The following KIF1B variants were observed in gnomAD, a reference collection of about 807,000 sequenced individuals.
KIF1B encodes kinesin family member 1B, also known as kinesin-like protein KIF1B.
In KIF1B, 76 loss-of-function variants were observed where a neutral mutation model predicts 241.9. The ratio of observed to expected loss-of-function variants is 0.31; its 90% CI spans 0.26 to 0.38. KIF1B has a LOEUF of 0.38. KIF1B is among the 10% of genes least tolerant of loss of function. The pLI is 1.00. For synonymous variants in KIF1B, 750 were observed against 796.7 expected, an observed-to-expected ratio of 0.94 and a Z score of 0.99; for missense variants, 1,622 against 2,271.4, an observed-to-expected ratio of 0.71 and a Z score of 5.81.
chr1:10,360,806 T>C (rs890032676), intron 38 of KIF1B, 123 bp from the exon 39 acceptor site: 24 of 747,792 alleles, frequency 3.2e-5, no homozygotes, highest in Admixed American at 1.2e-4. Flanking sequence ...TATTAGAGTT[T>C]GATAAACTGA....
intron 1 of KIF1B, among the ~76,000 whole-genome samples, chr1:10,212,932 A>ATATG (rs1646716924): frequency 1.2e-5 from 1 of 86,574 alleles, no homozygotes; most frequent in Non-Finnish European, 2.2e-5. Flanking sequence ...ATATATATAT[A>ATATG]CACACACACA....
rs1244106240 is a variant in KIF1B at position 10,292,057 on chromosome 1, T to C, written c.1525T>C (p.Leu509=). The C allele has an allele frequency of 6.2e-7, 1 of 1,614,070 alleles. No individual in the cohort carries two copies. Among genetic ancestry groups the C allele is most frequent in the African/African-American group, 1.3e-5 (1 of 75,044 alleles). The change falls in exon 17 of 49, where the codon TTG becomes CTG. Residue 509 remains leucine (L), a synonymous_variant. Coordinates refer to ENST00000676179, the MANE Select transcript of KIF1B (RefSeq NM_001365951.3). ...CTGTTTTTTTCCTAGAGAGGCTTTG[T>C]TGGCTGAGATGGGAGTTGCCATTCG... is the stretch of plus-strand genomic sequence containing the variant. ...EAIRMEREAL[L]AEMGVAIRED...
intron 43 of KIF1B, among the ~76,000 whole-genome samples, chr1:10,367,690 A>G (rs1456587763): frequency 6.6e-6 from 1 of 151,522 alleles, no homozygotes; most frequent in African/African-American, 2.4e-5. Context: ...GTGCACCACC[A>G]TGCCCAGCTC....
At chr1:10,288,129 GAAAA>G (rs577593547) in intron 15 of KIF1B, among the ~76,000 whole-genome samples, 1 of 151,402 alleles carries the variant, frequency 6.6e-6, no homozygotes, top group African/African-American at 2.4e-5. Flanking sequence ...GGGAGGAAAA[GAAAA>G]AAAAGGAAAA....
intron 38 of KIF1B, among the ~76,000 whole-genome samples, chr1:10,358,619 G>T (rs1036466601): frequency 6.7e-6 from 1 of 149,330 alleles, no homozygotes; most frequent in African/African-American, 2.5e-5. Context: ...GCATGAGGAG[G>T]TTGCAGTGAG....
At chr1:10,297,145 T>G (rs1219769708) in intron 21 of KIF1B, 29 bp from the exon 22 acceptor site, 37 of 1,597,584 alleles carry the variant, frequency 2.3e-5, no homozygotes, top group Non-Finnish European at 3.1e-5. Context: ...ATAGCATTCT[T>G]GAATTTTTTT....
Position 10,374,641 on chromosome 1 carries a change from CAT to C in KIF1B, c.5096+178_5096+179del, listed in dbSNP as rs1366202390. On this transcript the variant is annotated intron_variant, in intron 46 of 48. Coordinates refer to ENST00000676179, the MANE Select transcript of KIF1B (RefSeq NM_001365951.3). This position sits in a 1 kb window ranked among gnomAD's most constrained non-coding sequence, Gnocchi z 4.3. ...AGCCTGGGTTTCTCCAGTTGGGTCT[CAT>C]AATGCATCTGCACCCTGGCGCAGCA... Among the ~76,000 whole-genome samples the C allele has an allele frequency of 1.3e-5, 2 of 152,176 alleles. No individual in the cohort carries two copies. Among genetic ancestry groups the C allele is most frequent in the Non-Finnish European group, 2.9e-5 (2 of 68,042 alleles).
intron 1 of KIF1B, among the ~76,000 whole-genome samples, chr1:10,218,844 TTTTA>T (rs1270004375): frequency 2.6e-5 from 4 of 152,220 alleles, no homozygotes; most frequent in Non-Finnish European, 5.9e-5. Flanking sequence ...TACAGGAAGT[TTTTA>T]TTTATTTATA....
chr1:10,360,717 TC>T (rs1200447306), intron 38 of KIF1B, among the ~76,000 whole-genome samples: 6 of 151,424 alleles, frequency 4.0e-5, no homozygotes, highest in Non-Finnish European at 5.9e-5. Flanking sequence ...AACTAAGTGT[TC>T]CTTAATGATG....
In KIF1B at chr1:10,337,099, C is replaced by T; in HGVS notation, c.3155C>T (p.Thr1052Ile). ...NQSDFSSVAM[T>I]RSGLSLEELR... Reference sequence around the variant, plus strand: ...AGTGACTTTTCGTCTGTTGCAATGACTCGTTCTGGTCTGTCCTTGGAGGAG... The same window carrying T: ...AGTGACTTTTCGTCTGTTGCAATGATTCGTTCTGGTCTGTCCTTGGAGGAG... Residue 1052 changes from threonine (T) to isoleucine (I), a missense_variant, in exon 30 of 49, where the codon ACT becomes ATT. Physicochemically the swap from Thr to Ile is moderately conservative, Grantham distance 89 (BLOSUM62 -1). Around this residue, in one of 7 missense-constraint regions of KIF1B, gnomAD observed 803 missense variants for 1,112.0 expected, o/e 0.72. Coordinates refer to ENST00000676179, the MANE Select transcript of KIF1B (RefSeq NM_001365951.3). The surrounding 1 kb of genome is among the most constrained non-coding windows in gnomAD (Gnocchi z 4.0). The T allele has an allele frequency of 1.9e-6, 3 of 1,614,136 alleles. No homozygotes were observed. The highest frequency in any genetic ancestry group is 2.5e-6 in the Non-Finnish European group (3 of 1,180,034).
intron 27 of KIF1B, among the ~76,000 whole-genome samples, chr1:10,327,581 G>A (rs1456418600): frequency 4.6e-5 from 7 of 151,970 alleles, no homozygotes; most frequent in Admixed American, 1.3e-4. Flanking sequence ...CCAAACTGAG[G>A]CATTGTCTCT....
chr1:10,249,482 G>A (rs1273382981), intron 2 of KIF1B, among the ~76,000 whole-genome samples: 1 of 152,128 alleles, frequency 6.6e-6, no homozygotes, highest in Non-Finnish European at 1.5e-5. Flanking sequence ...CTTGGTATAG[G>A]GCAGTATAGA....
Position 10,323,976 on chromosome 1 carries a change from C to G in KIF1B, c.2451C>G (p.Asp817Glu), listed in dbSNP as rs200358455. Reference sequence around the variant, plus strand: ...CTGAGATGGAAAAAACTCATGAGGACAGGCCTTTCCCTCGCACAGTGGTAG... The same window carrying G: ...CTGAGATGGAAAAAACTCATGAGGAGAGGCCTTTCCCTCGCACAGTGGTAG... ...LPTEMEKTHE[D>E]RPFPRTVVAV... Residue 817 changes from aspartate to glutamate, a missense_variant, in exon 25 of 49, where the codon GAC becomes GAG. By Grantham distance (45) the Asp-to-Glu change is conservative. Coordinates refer to ENST00000676179, the MANE Select transcript of KIF1B (RefSeq NM_001365951.3). 2.5e-6 allele frequency: 4 copies of G among 1,614,102 alleles called. No homozygotes were observed. In the East Asian group the frequency reaches 8.9e-5, roughly 36 times the overall value.
chr1:10,330,945 A>G (rs1651896925), intron 27 of KIF1B, among the ~76,000 whole-genome samples: 1 of 152,190 alleles, frequency 6.6e-6, no homozygotes, highest in Admixed American at 6.5e-5. Flanking sequence ...TGGTGTTTGA[A>G]ATAAGACCTG....
intron 7 of KIF1B, among the ~76,000 whole-genome samples, chr1:10,268,606 T>A (rs1648600082): frequency 6.6e-6 from 1 of 150,582 alleles, no homozygotes; most frequent in South Asian, 2.1e-4. Flanking sequence ...CCTTATTAGC[T>A]GCCTTTGGTA....
At chr1:10,366,332 T>A (rs78072795) in intron 43 of KIF1B, among the ~76,000 whole-genome samples, 18 of 152,308 alleles carry the variant, frequency 1.2e-4, no homozygotes, top group African/African-American at 4.1e-4. Flanking sequence ...TTTCAAATGC[T>A]ATGGGAGTCA....
At chr1:10,319,422 A>T (rs1368354992) in intron 22 of KIF1B, among the ~76,000 whole-genome samples, 2 of 152,158 alleles carry the variant, frequency 1.3e-5, no homozygotes, top group Non-Finnish European at 2.9e-5. Flanking sequence ...TTATAGTTGC[A>T]TATTGAAAAT....
In KIF1B at chr1:10,380,230, T is replaced by TA. The variant is rs775451005; in HGVS notation, c.*3644dup. ...CTATGTATATTTATCCAGCTATACT[T>TA]ACTTGCACAGTGGATTGGAGAGAAA... On this transcript the variant is annotated 3_prime_UTR_variant, in exon 49 of 49. Transcript: ENST00000676179. 20 of 212,304 alleles carry TA rather than the reference T, an allele frequency of 9.4e-5. No individual in the cohort carries two copies. The highest frequency in any genetic ancestry group is 2.9e-5 in the Non-Finnish European group (3 of 104,596). 13.2% of individuals were successfully genotyped at this position (212,304 alleles called of 1,614,324 possible).
At chr1:10,306,345 C>T (rs1650826148) in intron 22 of KIF1B, 2 of 1,047,266 alleles carry the variant, frequency 1.9e-6, no homozygotes, top group Non-Finnish European at 2.3e-6. Context: ...TGCTTCAAAT[C>T]AGTCACTTCA....
Sources: gnomAD v4.1 joint callset for allele counts (sites outside exome capture counted in the v4.1 genomes callset) on GRCh38, gnomAD v4.1.1 for gene constraint, gnomAD v4.1.1 regional missense constraint, Gnocchi (gnomAD v3.1) non-coding constraint, MANE v1.5 for transcripts, NCBI Gene and HGNC (gene_info 2026-07-23, HGNC 2026-07-21) for gene names.